KLF13: variants seen among roughly 807,000 people sequenced by gnomAD.
The protein encoded by KLF13 is KLF transcription factor 13, also known as Krueppel-like factor 13.
KLF13 carries 8 observed loss-of-function variants against 16.7 expected under a neutral mutation model. The ratio of observed to expected loss-of-function variants is 0.48; its 90% CI spans 0.28 to 0.87. The LOEUF (loss-of-function observed/expected upper bound fraction) is 0.87, where lower values mean the gene tolerates loss of function less well. KLF13 is among the 40% of genes least tolerant of loss of function. KLF13 has a pLI of 0.10. For missense variants in KLF13, 447 were observed against 452.2 expected, an observed-to-expected ratio of 0.99 and a Z score of 0.10; for synonymous variants, 245 against 208.4, an observed-to-expected ratio of 1.18 and a Z score of -1.51.
At chr15:31,331,351 C>T (rs977291109) in intron 1 of KLF13, among the ~76,000 whole-genome samples, 2 of 152,328 alleles carry the variant, frequency 1.3e-5, no homozygotes, top group Non-Finnish European at 2.9e-5. Flanking sequence ...TTCTGTCAGC[C>T]ATTTCCTGTG....
At chr15:31,368,384 A>G (rs149801838) in intron 1 of KLF13, among the ~76,000 whole-genome samples, 144 of 152,352 alleles carry the variant, frequency 9.5e-4, no homozygotes, top group African/African-American at 3.4e-3. Context: ...TGGAATTATC[A>G]TGCAACATTT....
chr15:31,420,508 C>T (rs142046732), intron 1 of KLF13: 4 of 609,582 alleles, frequency 6.6e-6, no homozygotes, highest in East Asian at 8.2e-5. Context: ...TACTGTATGG[C>T]ATCAGGACCA....
At chr15:31,426,822 C>T (rs571335416) in intron 1 of KLF13, among the ~76,000 whole-genome samples, 1 of 152,136 alleles carries the variant, frequency 6.6e-6, no homozygotes, top group Admixed American at 6.5e-5. Context: ...GGAAGATCCA[C>T]CCTCACTGTG....
Position 31,357,949 on chromosome 15 carries a change from C to T in KLF13, c.578-14061C>T, listed in dbSNP as rs111674088. Among the ~76,000 whole-genome samples, 119 of 152,176 alleles carry T rather than the reference C, an allele frequency of 7.8e-4. 3 individuals are homozygous for T. Among genetic ancestry groups the T allele is most frequent in the Non-Finnish European group, 1.9e-4 (13 of 68,026 alleles). ...TCCCTTTTGCTTTGTCTGTTAAAATCCACTTTCTTTCATTGTAGTGGGATC... is the reference window on the plus strand; with the variant it reads ...TCCCTTTTGCTTTGTCTGTTAAAATTCACTTTCTTTCATTGTAGTGGGATC... On this transcript the variant is annotated intron_variant, in intron 1 of 1. Coordinates refer to ENST00000307145, the MANE Select transcript of KLF13 (RefSeq NM_015995.4).
chr15:31,327,706 G>A lies in KLF13; in HGVS notation c.494G>A (p.Arg165Lys). The A allele has an allele frequency of 3.2e-6, 5 of 1,538,530 alleles. No homozygotes were observed. The highest frequency in any genetic ancestry group is 3.5e-6 in the Non-Finnish European group (4 of 1,139,560). Residue 165 changes from arginine to lysine, a missense_variant, in exon 1 of 2, where the codon AGG becomes AAG. This residue lies in a region of KLF13 where 359 missense variants were observed against 282.8 expected (regional missense o/e 1.27). Transcript: ENST00000307145. ...CGCGCCGACCTCGAGTCCCCGCAGA[G>A]GAAGCACAAGTGCCACTACGCGGGC... is the stretch of plus-strand genomic sequence containing the variant. ...RSRADLESPQRKHKCHYAGCE... is the reference protein window; with the variant it reads ...RSRADLESPQKKHKCHYAGCE...
intron 1 of KLF13, among the ~76,000 whole-genome samples, chr15:31,339,406 G>A (rs2038985669): frequency 6.6e-6 from 1 of 152,170 alleles, no homozygotes; most frequent in Non-Finnish European, 1.5e-5. Context: ...CCCTGGTGAG[G>A]CAGTGCGGGG....
intron 1 of KLF13, among the ~76,000 whole-genome samples, chr15:31,337,399 A>T (rs1421209795): frequency 6.6e-6 from 1 of 152,188 alleles, no homozygotes; most frequent in Non-Finnish European, 1.5e-5. Context: ...GTGTGTTCTG[A>T]GGGAAGATGC....
At chr15:31,389,015 C>T (rs549102706), upstream of KLF13, among the ~76,000 whole-genome samples, 4 of 151,940 alleles carry the variant, frequency 2.6e-5, no homozygotes, top group Non-Finnish European at 4.4e-5. Context: ...AGATGAATAC[C>T]GTTGACCATT....
At chr15:31,383,904 AAAAT>A (rs71422886) in intron 1 of KLF13, among the ~76,000 whole-genome samples, 5 of 143,534 alleles carry the variant, frequency 3.5e-5, no homozygotes, top group Admixed American at 2.1e-4. Context: ...TCCGTCTCAA[AAAAT>A]AAATAAATAA....
chr15:31,347,819 A>AG (rs2039148755), intron 1 of KLF13, among the ~76,000 whole-genome samples: 1 of 152,222 alleles, frequency 6.6e-6, no homozygotes, highest in Non-Finnish European at 1.5e-5. Flanking sequence ...TATAGGCTGC[A>AG]GGGGTTGGGG....
At chr15:31,328,682 G>T (rs74010611) in intron 1 of KLF13, among the ~76,000 whole-genome samples, 8,697 of 152,272 alleles carry the variant, frequency 0.057, 843 homozygotes, top group African/African-American at 0.2. Context: ...CAGCCCAGCG[G>T]CAACAGTTCC....
At position 31,330,440 on chromosome 15, in the gene KLF13, A is replaced by T. The variant is rs114800656; in HGVS notation, c.577+2651A>T. Among the ~76,000 whole-genome samples the T allele has an allele frequency of 4.6e-3, 696 of 152,326 alleles. 10 individuals carry two copies. The highest frequency in any genetic ancestry group is 0.016 in the African/African-American group (670 of 41,566). On this transcript the variant is annotated intron_variant, in intron 1 of 1. Coordinates refer to ENST00000307145, the MANE Select transcript of KLF13 (RefSeq NM_015995.4). ...GCCAGCTGCTCTGTGCTGTTCCTCT[A>T]TGTGACCAGGGACCGGTTCCCAGAT...
intron 1 of KLF13, among the ~76,000 whole-genome samples, chr15:31,368,019 C>CGAA (rs1385794955): frequency 2.0e-5 from 3 of 151,556 alleles, no homozygotes; most frequent in African/African-American, 7.3e-5. Flanking sequence ...CCCCTTTCTC[C>CGAA]CCCTTCTCAC....
intron 1 of KLF13, among the ~76,000 whole-genome samples, chr15:31,341,696 C>T (rs1230610617): frequency 5.9e-5 from 9 of 152,110 alleles, no homozygotes. Flanking sequence ...GCCACCACAC[C>T]CAGCCCAGAA....
chr15:31,429,231 G>A lies in KLF13; in HGVS notation n.118-6139G>A, dbSNP rs186467618. 3.3e-5 allele frequency among the ~76,000 whole-genome samples: 5 copies of A among 152,300 alleles called. No homozygotes were observed. The East Asian group carries it at 9.6e-4, about 29-fold the overall frequency. ...CGTTTTCAGGTGGAAAAAAATGATAGACTTAAAACCATGAGAAGTCCCTAA... is the reference window on the plus strand; with the variant it reads ...CGTTTTCAGGTGGAAAAAAATGATAAACTTAAAACCATGAGAAGTCCCTAA... On this transcript the variant is annotated intron_variant and non_coding_transcript_variant, in intron 1 of 1. Coordinates refer to the KLF13 transcript ENST00000558225.
At chr15:31,348,160 C>G (rs1181428149) in intron 1 of KLF13, among the ~76,000 whole-genome samples, 1 of 152,214 alleles carries the variant, frequency 6.6e-6, no homozygotes. Flanking sequence ...CGCCACTCCT[C>G]CTCCCGTGGA....
chr15:31,355,033 A>C (rs897250966), intron 1 of KLF13, among the ~76,000 whole-genome samples: 6 of 152,186 alleles, frequency 3.9e-5, no homozygotes, highest in Admixed American at 1.3e-4. Flanking sequence ...GGTTGGAGCC[A>C]CCATTTAAAG....
chr15:31,345,292 T>C (rs2039095448), intron 1 of KLF13, among the ~76,000 whole-genome samples: 1 of 152,162 alleles, frequency 6.6e-6, no homozygotes, highest in South Asian at 2.1e-4. Flanking sequence ...GGCCTGGCTT[T>C]GGCTGGTGTT....
chr15:31,344,592 G>C (rs1390724187), intron 1 of KLF13, among the ~76,000 whole-genome samples: 2 of 152,252 alleles, frequency 1.3e-5, no homozygotes, highest in African/African-American at 2.4e-5. Flanking sequence ...CAGGGGCCCT[G>C]TTTCTCTTCT....
Sources: gnomAD v4.1 joint callset for allele counts (sites outside exome capture counted in the v4.1 genomes callset) on GRCh38, gnomAD v4.1.1 for gene constraint, gnomAD v4.1.1 regional missense constraint, MANE v1.5 for transcripts, NCBI Gene and HGNC (gene_info 2026-07-23, HGNC 2026-07-21) for gene names.